Variants in SNX13 observed in about 807,000 individuals in gnomAD.
SNX13 encodes sorting nexin 13.
In SNX13, 45 loss-of-function variants were observed where a neutral mutation model predicts 133.6. The observed-to-expected ratio is 0.34, with a 90% CI of 0.27 to 0.43. The LOEUF (loss-of-function observed/expected upper bound fraction) is 0.43, where lower values mean the gene tolerates loss of function less well. Among genes scored for constraint, SNX13 ranks in the 20% least tolerant of loss-of-function variants. The probability of loss-of-function intolerance (pLI) is 1.00; values close to 1 mark genes in which losing one functional copy is unlikely to be tolerated. For missense variants in SNX13, 1,032 were observed against 1,145.1 expected (o/e 0.90, Z 1.43); for synonymous variants, 414 against 373.9 (o/e 1.11, Z -1.24).
In SNX13 at chr7:17,877,822, A is replaced by T. The variant is rs535572033; in HGVS notation, c.441-2032T>A. 3.9e-5 allele frequency among the ~76,000 whole-genome samples: 6 copies of T among 152,122 alleles called. No individual in the cohort carries two copies. The South Asian group carries it at 8.3e-4, about 21-fold the overall frequency. On this transcript the variant is annotated intron_variant, in intron 5 of 25. Coordinates refer to ENST00000428135, the MANE Select transcript of SNX13 (RefSeq NM_015132.5). The stretch of plus-strand genomic sequence containing the variant: ...AGGAAAAATAGGAAAAACAGTACCG[A>T]TATCTTATCTCTTTCTGAGGTTATT...
chr7:17,879,069 C>T (rs1217111064), intron 5 of SNX13, among the ~76,000 whole-genome samples: 1 of 152,196 alleles, frequency 6.6e-6, no homozygotes, highest in Admixed American at 6.5e-5. Context: ...GCCCTGTCTC[C>T]AGTTATGCAT....
Position 17,940,379 on chromosome 7 carries a change from C to G in SNX13, c.-84G>C. On this transcript the variant is annotated 5_prime_UTR_variant, in exon 1 of 26. Coordinates refer to ENST00000428135, the MANE Select transcript of SNX13 (RefSeq NM_015132.5). ...CAGCAGCGAAAACTGCTCGGGCCGC[C>G]GCCAACGGCGGCAACTGCTCCTTCA... 6.7e-7 allele frequency: 1 copy of G among 1,498,928 alleles called. No individual in the cohort carries two copies. The highest frequency in any genetic ancestry group is 9.1e-7 in the Non-Finnish European group (1 of 1,101,404). The allele number at this position is 1,498,928 out of a possible 1,614,324, so 92.9% of individuals were successfully genotyped here.
chr7:17,796,791 A>C (rs1479646436), intron 25 of SNX13, 36 bp downstream of exon 25: 3 of 1,469,542 alleles, frequency 2.0e-6, no homozygotes, highest in Non-Finnish European at 2.8e-6. Context: ...AAGAATGACA[A>C]ATTATAAAGA....
chr7:17,820,087 T>C (rs1787120172), intron 18 of SNX13, among the ~76,000 whole-genome samples: 1 of 152,202 alleles, frequency 6.6e-6, no homozygotes. Flanking sequence ...GTTCTTCATT[T>C]ACATTTGTCA....
intron 8 of SNX13, among the ~76,000 whole-genome samples, chr7:17,871,524 C>G (rs1794121102): frequency 6.6e-6 from 1 of 152,138 alleles, no homozygotes; most frequent in African/African-American, 2.4e-5. Context: ...AGAATTCTAT[C>G]AAGTGGGTTT....
intron 1 of SNX13, among the ~76,000 whole-genome samples, chr7:17,912,003 A>AT (rs1056818083): frequency 1.8e-4 from 27 of 152,258 alleles, no homozygotes; most frequent in Middle Eastern, 3.4e-3. Context: ...ATCCAGGCAG[A>AT]TTTTTTTCCC....
At chr7:17,928,500 C>T (rs937373904) in intron 1 of SNX13, among the ~76,000 whole-genome samples, 1 of 152,122 alleles carries the variant, frequency 6.6e-6, no homozygotes, top group Non-Finnish European at 1.5e-5. Context: ...GCTTAAAACC[C>T]AAGCATGTTC....
rs139865500 is a variant in SNX13, at chr7:17,915,726, C to G, written c.13-18280G>C. Among the ~76,000 whole-genome samples the G allele has an allele frequency of 9.2e-5, 14 of 152,308 alleles. 1 individual carries two copies. The highest frequency in any genetic ancestry group is 1.8e-4 in the Non-Finnish European group (12 of 68,018). On this transcript the variant is annotated intron_variant, in intron 1 of 25. Transcript: ENST00000428135. ...CAATAATAGGGACTTCAACATCCAA[C>G]TGACAACATAAGATAGATCAACAAG...
chr7:17,799,684 A>G (rs1420462426), intron 22 of SNX13, among the ~76,000 whole-genome samples: 1 of 151,786 alleles, frequency 6.6e-6, no homozygotes, highest in African/African-American at 2.4e-5. Flanking sequence ...TCACATTACA[A>G]AAGGCATAGT....
At chr7:17,902,823 G>A (rs1467107216) in intron 1 of SNX13, among the ~76,000 whole-genome samples, 1 of 152,156 alleles carries the variant, frequency 6.6e-6, no homozygotes, top group East Asian at 1.9e-4. Context: ...ATTAGCACCT[G>A]AGCTCTGCCT....
intron 20 of SNX13, among the ~76,000 whole-genome samples, chr7:17,811,891 T>C (rs1177364463): frequency 1.3e-5 from 2 of 151,968 alleles, no homozygotes; most frequent in African/African-American, 2.4e-5. Flanking sequence ...AAACAAGCAA[T>C]AGGGAAAGGA....
At chr7:17,842,357 G>A (rs920461741) in intron 12 of SNX13, among the ~76,000 whole-genome samples, 3 of 151,826 alleles carry the variant, frequency 2.0e-5, no homozygotes, top group African/African-American at 7.3e-5. Flanking sequence ...TCCTATATCT[G>A]GCAAAACTAT....
intron 11 of SNX13, among the ~76,000 whole-genome samples, chr7:17,848,823 G>A (rs552719995): frequency 6.6e-6 from 1 of 152,198 alleles, no homozygotes; most frequent in African/African-American, 2.4e-5. Flanking sequence ...CAGTAAACAA[G>A]ACACCCCTGT....
chr7:17,852,666 CT>C (rs1436490950), intron 9 of SNX13, among the ~76,000 whole-genome samples: 1 of 152,162 alleles, frequency 6.6e-6, no homozygotes, highest in Non-Finnish European at 1.5e-5. Flanking sequence ...TCAATGACTT[CT>C]TTCATCTTCT....
intron 8 of SNX13, among the ~76,000 whole-genome samples, chr7:17,871,040 C>G (rs942027087): frequency 6.6e-6 from 1 of 150,708 alleles, no homozygotes; most frequent in Admixed American, 6.6e-5. Context: ...GAGTCTGGCT[C>G]TGTCGCCCAG....
At chr7:17,897,757 A>T (rs1460786316) in intron 1 of SNX13, 1 of 173,928 alleles carries the variant, frequency 5.7e-6, no homozygotes, top group Non-Finnish European at 1.2e-5. Flanking sequence ...CATGAGAAAT[A>T]CAACAAAGTA....
intron 14 of SNX13, 95 bp from the exon 15 acceptor site, chr7:17,834,279 C>G: frequency 9.2e-7 from 1 of 1,091,480 alleles, no homozygotes; most frequent in Non-Finnish European, 1.2e-6. Context: ...TGAGGTCTTG[C>G]CATAATGTAT....
chr7:17,833,917 T>A, intron 15 of SNX13, 135 bp downstream of exon 15: 1 of 558,474 alleles, frequency 1.8e-6, no homozygotes, highest in Admixed American at 4.2e-5. Context: ...TTGTCATTCA[T>A]TTGTAGATTT....
At chr7:17,847,342 T>C (rs1028833996) in intron 11 of SNX13, among the ~76,000 whole-genome samples, 3 of 152,114 alleles carry the variant, frequency 2.0e-5, no homozygotes, top group Admixed American at 6.6e-5. Flanking sequence ...TGTTTGTTTG[T>C]TTTTTTGAGA....
Sources: gnomAD v4.1 joint callset for allele counts (sites outside exome capture counted in the v4.1 genomes callset) on GRCh38, gnomAD v4.1.1 for gene constraint, MANE v1.5 for transcripts, NCBI Gene and HGNC (gene_info 2026-07-23, HGNC 2026-07-21) for gene names.